TUSC3: variants seen among roughly 807,000 people sequenced by gnomAD.
TUSC3 encodes tumor suppressor candidate 3, also known as dolichyl-diphosphooligosaccharide--protein glycosyltransferase subunit TUSC3.
In TUSC3, 45 loss-of-function variants were observed where a neutral mutation model predicts 44.8. The ratio of observed to expected loss-of-function variants is 1.00; its 90% CI spans 0.79 to 1.29. TUSC3 has a LOEUF of 1.29. Among genes scored for constraint, TUSC3 ranks in the 50% most tolerant of loss-of-function variants. TUSC3 has a pLI of 0.00. For synonymous variants in TUSC3, 212 were observed against 152.9 expected (o/e 1.39, Z -2.85); for missense variants, 519 against 437.9 (o/e 1.19, Z -1.65).
chr8:15,736,915 T>C (rs1276708774), intron 7 of TUSC3, among the ~76,000 whole-genome samples: 1 of 152,168 alleles, frequency 6.6e-6, no homozygotes, highest in Non-Finnish European at 1.5e-5. Flanking sequence ...GTCAACTATA[T>C]AATCTCTGAC....
intron 2 of TUSC3, among the ~76,000 whole-genome samples, chr8:15,490,411 T>C (rs556848577): frequency 1.1e-3 from 163 of 152,242 alleles, no homozygotes; most frequent in African/African-American, 3.8e-3. Flanking sequence ...CCTCTCCTGT[T>C]TCCCCACCAC....
intron 1 of TUSC3, among the ~76,000 whole-genome samples, chr8:15,594,217 A>G (rs1803974571): frequency 6.6e-6 from 1 of 151,526 alleles, no homozygotes; most frequent in African/African-American, 2.4e-5. Flanking sequence ...TCTGCTGTTA[A>G]TTCCTTCTGC....
rs1812318333 is a variant in TUSC3, at chr8:15,766,104, T to C, written c.*1948T>C. 1 of 148,474 alleles carries C rather than the reference T, an allele frequency of 6.7e-6. No individual in the cohort carries two copies. Among genetic ancestry groups the C allele is most frequent in the African/African-American group, 2.4e-5 (1 of 41,178 alleles). The allele number at this position is 148,474 out of a possible 1,614,324, so 9.2% of individuals were successfully genotyped here. ...ATATTAGTAAAGGTTTTCTAGCTCT[T>C]ATTTTCTAATTTCCTCTGAGCATTT... On this transcript the variant is annotated 3_prime_UTR_variant, in exon 11 of 11. Transcript: ENST00000503731.
At chr8:15,711,463 C>CATGT (rs1554479702) in intron 6 of TUSC3, among the ~76,000 whole-genome samples, 30 of 144,908 alleles carry the variant, frequency 2.1e-4, no homozygotes, top group Non-Finnish European at 1.8e-4. Context: ...CAAAAAGGTA[C>CATGT]GTGTGTGTGT....
At chr8:15,674,869 T>G (rs1256273905) in intron 6 of TUSC3, among the ~76,000 whole-genome samples, 8 of 152,092 alleles carry the variant, frequency 5.3e-5, no homozygotes, top group Admixed American at 5.3e-4. Context: ...GAAAAATAAT[T>G]GGAAGCAATT....
chr8:15,516,264 G>T (rs1484322866), intron 2 of TUSC3, among the ~76,000 whole-genome samples: 1 of 152,120 alleles, frequency 6.6e-6, no homozygotes, highest in Non-Finnish European at 1.5e-5. Flanking sequence ...AACAATTACA[G>T]AGGAATGCAT....
intron 10 of TUSC3, 70 bp from the exon 11 acceptor site, chr8:15,764,133 G>A (rs1050523448): frequency 1.5e-5 from 21 of 1,371,822 alleles, no homozygotes; most frequent in Non-Finnish European, 2.0e-5. Flanking sequence ...AATTTAGAAT[G>A]GAATAACAAA....
At position 15,766,096 on chromosome 8, in the gene TUSC3, C is replaced by G. The variant is rs1184823031; in HGVS notation, c.*1940C>G. 1 of 140,108 alleles carries G rather than the reference C, an allele frequency of 7.1e-6. No homozygotes were observed. 8.7% of individuals were successfully genotyped at this position (140,108 alleles called of 1,614,324 possible). On this transcript the variant is annotated 3_prime_UTR_variant, in exon 11 of 11. Transcript: ENST00000503731. ...ACTATACCATATTAGTAAAGGTTTT[C>G]TAGCTCTTATTTTCTAATTTCCTCT...
intron 6 of TUSC3, among the ~76,000 whole-genome samples, chr8:15,723,795 T>G (rs1214188702): frequency 1.3e-5 from 2 of 152,164 alleles, no homozygotes; most frequent in Non-Finnish European, 2.9e-5. Flanking sequence ...TCCTGGACAT[T>G]AGTATCCTAA....
intron 1 of TUSC3, among the ~76,000 whole-genome samples, chr8:15,554,972 G>A (rs1045608261): frequency 3.3e-5 from 5 of 151,226 alleles, no homozygotes; most frequent in African/African-American, 1.2e-4. Context: ...GCAATGAAGC[G>A]CTGCTAAATC....
At chr8:15,718,923 A>C (rs866144489) in intron 6 of TUSC3, among the ~76,000 whole-genome samples, 2 of 152,070 alleles carry the variant, frequency 1.3e-5, no homozygotes, top group Non-Finnish European at 2.9e-5. Flanking sequence ...TCTTCCTTCA[A>C]ATATGTACAT....
At chr8:15,445,220 G>A (rs575499619) in intron 1 of TUSC3, among the ~76,000 whole-genome samples, 1 of 152,250 alleles carries the variant, frequency 6.6e-6, no homozygotes, top group South Asian at 2.1e-4. Flanking sequence ...CCAAGTTTAG[G>A]CTATTCAATA....
At chr8:15,617,024 G>A (rs73193391) in intron 1 of TUSC3, among the ~76,000 whole-genome samples, 26,535 of 151,932 alleles carry the variant, frequency 0.17, 2,351 homozygotes, top group South Asian at 0.26. Flanking sequence ...GGCTTTGAAA[G>A]AATCCTGTGT....
At chr8:15,689,052 A>T in intron 6 of TUSC3, 1 of 328,198 alleles carries the variant, frequency 3.0e-6, no homozygotes. Flanking sequence ...TGACTCGTCA[A>T]TGTCATTTAC....
At chr8:15,655,987 C>G (rs1807145089) in intron 3 of TUSC3, among the ~76,000 whole-genome samples, 1 of 152,092 alleles carries the variant, frequency 6.6e-6, no homozygotes, top group South Asian at 2.1e-4. Context: ...TTTGGAAGGG[C>G]TAACTGCTTA....
chr8:15,556,291 A>T (rs972469496), intron 1 of TUSC3, among the ~76,000 whole-genome samples: 2 of 98,052 alleles, frequency 2.0e-5, no homozygotes, highest in African/African-American at 7.2e-5. Context: ...TTTACTGAGA[A>T]TGTTTTCCAA....
rs751785405 is a variant in TUSC3 at position 15,623,128 on chromosome 8, C to T, written c.187C>T (p.Arg63Cys). Residue 63 changes from arginine to cysteine, a missense_variant, in exon 2 of 11, where the codon CGC (arginine) becomes TGC (cysteine). Coordinates refer to ENST00000503731, the MANE Select transcript of TUSC3 (RefSeq NM_006765.4). ...GCAGCTGATGGAATGGAGTTCCAGACGCTCAATCTTCCGAATGAATGGTGA... is the reference window on the plus strand; with the variant it reads ...GCAGCTGATGGAATGGAGTTCCAGATGCTCAATCTTCCGAATGAATGGTGA... ...VEQLMEWSSR[R>C]SIFRMNGDKF... is the part of the protein sequence containing the mutation. 9.3e-6 allele frequency: 15 copies of T among 1,613,708 alleles called. No homozygotes were observed. Among genetic ancestry groups the T allele is most frequent in the East Asian group, 2.2e-5 (1 of 44,870 alleles).
rs541901605 is a variant in TUSC3, at chr8:15,461,721, T to C, written n.92-21665T>C. 1.5e-4 allele frequency among the ~76,000 whole-genome samples: 22 copies of C among 151,592 alleles called. 1 individual carries two copies. The highest frequency in any genetic ancestry group is 5.1e-4 in the African/African-American group (21 of 41,352). ...GAGTTACGTCCCTTGTGTGCCAATT[T>C]TGCTAAGAGTTTTAATCATAAAGGA... On this transcript the variant is annotated intron_variant and non_coding_transcript_variant, in intron 1 of 5. Transcript: ENST00000503191.
intron 1 of TUSC3, among the ~76,000 whole-genome samples, chr8:15,469,636 T>C (rs1800458769): frequency 6.6e-6 from 1 of 152,212 alleles, no homozygotes; most frequent in African/African-American, 2.4e-5. Flanking sequence ...TCAACAGTTA[T>C]GCTCCTTGGT....
Sources: allele counts gnomAD v4.1 joint callset (sites outside exome capture counted in the v4.1 genomes callset), GRCh38; gene constraint gnomAD v4.1.1; transcripts MANE v1.5; gene names NCBI Gene and HGNC (gene_info 2026-07-23, HGNC 2026-07-21).